The following ANKRD29 variants were observed in gnomAD, a reference collection of about 807,000 sequenced individuals.
The protein encoded by ANKRD29 is ankyrin repeat domain 29, also known as ankyrin repeat domain-containing protein 29.
A neutral mutation model predicts 38.0 loss-of-function variants in ANKRD29; 32 were observed. The observed-to-expected ratio is 0.84, with a 90% CI of 0.64 to 1.13. The LOEUF (loss-of-function observed/expected upper bound fraction) is 1.13. ANKRD29 is among the 50% of genes most tolerant of loss of function. The probability of loss-of-function intolerance (pLI) is 0.00; values close to 1 mark genes in which losing one functional copy is unlikely to be tolerated. For missense variants in ANKRD29, 357 were observed against 377.9 expected, an observed-to-expected ratio of 0.94 and a Z score of 0.46; for synonymous variants, 135 against 152.4, an observed-to-expected ratio of 0.89 and a Z score of 0.84.
intron 2 of ANKRD29, chr18:23,647,370 G>T (rs1304863236): frequency 6.6e-6 from 1 of 152,186 alleles, no homozygotes; most frequent in African/African-American, 2.4e-5. Flanking sequence ...ATAACATTAC[G>T]ATAATTCAAT....
intron 3 of ANKRD29, among the ~76,000 whole-genome samples, chr18:23,642,720 C>G (rs968007678): frequency 2.0e-5 from 3 of 152,212 alleles, no homozygotes; most frequent in African/African-American, 7.2e-5. Context: ...ACAAAAGACC[C>G]AAGAAACTAT....
chr18:23,632,454 G>T (rs1253668940), intron 5 of ANKRD29, among the ~76,000 whole-genome samples: 1 of 150,914 alleles, frequency 6.6e-6, no homozygotes, highest in Non-Finnish European at 1.5e-5. Context: ...TTAAAACAGA[G>T]AGGAAATTAC....
At chr18:23,632,011 A>G (rs2059938863) in intron 5 of ANKRD29, among the ~76,000 whole-genome samples, 1 of 152,136 alleles carries the variant, frequency 6.6e-6, no homozygotes, top group African/African-American at 2.4e-5. Context: ...CTCAAGCAAA[A>G]ATATAAGACA....
chr18:23,615,148 T>TA (rs1381865487), intron 8 of ANKRD29, among the ~76,000 whole-genome samples: 1 of 152,136 alleles, frequency 6.6e-6, no homozygotes, highest in Non-Finnish European at 1.5e-5. Context: ...CAGCTGGGAC[T>TA]ACAGCCACAC....
At chr18:23,602,545 C>T (rs1280977509) in intron 9 of ANKRD29, among the ~76,000 whole-genome samples, 1 of 152,168 alleles carries the variant, frequency 6.6e-6, no homozygotes, top group South Asian at 2.1e-4. Context: ...AAGTGGCTCT[C>T]AAACCTGTTG....
chr18:23,616,994 G>A (rs957496781), intron 8 of ANKRD29, among the ~76,000 whole-genome samples: 6 of 152,012 alleles, frequency 3.9e-5, no homozygotes, highest in Admixed American at 3.9e-4. Flanking sequence ...TGAGGCAAGT[G>A]GATCACTTGA....
chr18:23,660,666 G>T (rs779802435), intron 1 of ANKRD29, among the ~76,000 whole-genome samples: 6 of 152,168 alleles, frequency 3.9e-5, no homozygotes, highest in Admixed American at 6.5e-5. Context: ...AATTAGCTGG[G>T]CTTGGTGTCA....
At chr18:23,621,289 T>C (rs1375781211) in intron 6 of ANKRD29, among the ~76,000 whole-genome samples, 2 of 152,198 alleles carry the variant, frequency 1.3e-5, no homozygotes, top group African/African-American at 4.8e-5. Context: ...ATTTCAACCT[T>C]AGCCTACTAG....
chr18:23,659,011 T>A (rs1286782884), intron 1 of ANKRD29, among the ~76,000 whole-genome samples: 1 of 152,186 alleles, frequency 6.6e-6, no homozygotes, highest in African/African-American at 2.4e-5. Flanking sequence ...AGACAGAGTC[T>A]CACTCTGTCA....
At chr18:23,623,616 T>C (rs1436079660) in intron 6 of ANKRD29, among the ~76,000 whole-genome samples, 3 of 150,864 alleles carry the variant, frequency 2.0e-5, no homozygotes, top group South Asian at 4.2e-4. Context: ...GAGGCCCCCA[T>C]CTCTATAAAA....
At position 23,662,790 on chromosome 18, in the gene ANKRD29, C is replaced by G. The variant is rs7229310; in HGVS notation, c.-60G>C. 4,210 of 1,388,434 alleles carry G rather than the reference C, an allele frequency of 3.0e-3. 117 individuals carry two copies. The African/African-American group carries it at 0.058, about 19-fold the overall frequency. 86.0% of individuals were successfully genotyped at this position (1,388,434 alleles called of 1,614,324 possible). ...TGGGCCCGGGGCGCCTTGTCCTCCC[C>G]GGCCCTTCACTCTCCCGGGGCTCTC... On this transcript the variant is annotated 5_prime_UTR_variant, in exon 1 of 10. Transcript: ENST00000592179.
chr18:23,614,846 G>A (rs2059690857), intron 8 of ANKRD29, among the ~76,000 whole-genome samples: 1 of 152,054 alleles, frequency 6.6e-6, no homozygotes, highest in Admixed American at 6.6e-5. Context: ...TCATTCAAGG[G>A]CAAGTAGGTT....
At chr18:23,633,955 A>T in intron 5 of ANKRD29, 96 bp downstream of exon 5, 1 of 1,223,680 alleles carries the variant, frequency 8.2e-7, no homozygotes, top group Non-Finnish European at 1.2e-6. Flanking sequence ...CTGTCCATTA[A>T]AGTATTTTTG....
intron 7 of ANKRD29, 168 bp downstream of exon 7, chr18:23,619,363 G>A: frequency 1.6e-6 from 1 of 635,186 alleles, no homozygotes; most frequent in Non-Finnish European, 2.6e-6. Context: ...TCGGGTGGAG[G>A]AGGAGAGAGA....
intron 6 of ANKRD29, among the ~76,000 whole-genome samples, chr18:23,625,313 A>C (rs2145674523): frequency 6.6e-6 from 1 of 152,236 alleles, no homozygotes; most frequent in South Asian, 2.1e-4. Context: ...TCCCCAGTCA[A>C]GGGTGATGGG....
intron 6 of ANKRD29, among the ~76,000 whole-genome samples, chr18:23,624,101 T>C (rs1419981313): frequency 6.6e-6 from 1 of 152,100 alleles, no homozygotes; most frequent in Non-Finnish European, 1.5e-5. Flanking sequence ...CCATATACTT[T>C]GATATTTTTA....
intron 3 of ANKRD29, among the ~76,000 whole-genome samples, chr18:23,642,309 A>G (rs2060088272): frequency 6.6e-6 from 1 of 151,844 alleles, no homozygotes; most frequent in Non-Finnish European, 1.5e-5. Flanking sequence ...CAGGGCTATG[A>G]TATCCTCTTT....
chr18:23,662,627 A>AGC, intron 1 of ANKRD29, 83 bp downstream of exon 1: 1 of 54,442 alleles, frequency 1.8e-5, no homozygotes, highest in Non-Finnish European at 3.3e-5. Context: ...ACCCCATCCC[A>AGC]CCCCATCCCA....
chr18:23,630,680 T>C (rs2059919543), intron 5 of ANKRD29, among the ~76,000 whole-genome samples: 1 of 151,848 alleles, frequency 6.6e-6, no homozygotes, highest in African/African-American at 2.4e-5. Context: ...TAATTTTCCA[T>C]CTCCATCTCT....
Sources: gnomAD v4.1 joint callset for allele counts (sites outside exome capture counted in the v4.1 genomes callset) on GRCh38, gnomAD v4.1.1 for gene constraint, MANE v1.5 for transcripts, NCBI Gene and HGNC (gene_info 2026-07-23, HGNC 2026-07-21) for gene names.